Variants in CDH16 observed in about 807,000 individuals in gnomAD.
CDH16 encodes cadherin-16.
CDH16 carries 79 observed loss-of-function variants against 87.6 expected under a neutral mutation model. The observed-to-expected ratio is 0.90, with a 90% CI of 0.75 to 1.09. CDH16 has a LOEUF of 1.09. CDH16 is among the 50% of genes least tolerant of loss of function. The probability of loss-of-function intolerance (pLI) is 0.00; values close to 1 mark genes in which losing one functional copy is unlikely to be tolerated. For synonymous variants in CDH16, 457 were observed against 439.5 expected (o/e 1.04, Z -0.50); for missense variants, 1,124 against 1,071.7 (o/e 1.05, Z -0.68).
chr16:66,912,431 C>A lies in CDH16; in HGVS notation c.1360-1G>T. 1.9e-6 allele frequency: 3 copies of A among 1,613,964 alleles called. No individual in the cohort carries two copies. The South Asian group carries it at 3.3e-5, about 18-fold the overall frequency. ...CCTCAGGGAGGCTTATAGGCCCAAT[C>A]TGGAGGAGGAGGAGGGATGGTGAGC... On this transcript the variant is annotated splice_acceptor_variant, in intron 11 of 17. Coordinates refer to ENST00000299752, the MANE Select transcript of CDH16 (RefSeq NM_004062.4). LOFTEE classifies it high-confidence loss of function.
At chr16:66,908,936 A>G (rs917439104) in intron 17 of CDH16, among the ~76,000 whole-genome samples, 3 of 152,194 alleles carry the variant, frequency 2.0e-5, no homozygotes, top group African/African-American at 7.2e-5. Context: ...CTGACTGTGT[A>G]ACCTTGGACC....
chr16:66,909,991 A>C lies in CDH16; in HGVS notation c.2270T>G (p.Val757Gly). The C allele has an allele frequency of 6.2e-7, 1 of 1,601,574 alleles. No homozygotes were observed. The highest frequency in any genetic ancestry group is 8.5e-7 in the Non-Finnish European group (1 of 1,173,290). The change falls in exon 16 of 18, where the codon GTT (valine) becomes GGT (glycine). Residue 757 changes from valine (V) to glycine (G), a missense_variant. Val to Gly is a moderately radical substitution (Grantham distance 109). Transcript: ENST00000299752. This position sits in a 1 kb window ranked among gnomAD's most constrained non-coding sequence, Gnocchi z 4.1. ...GCACCCAAGCCCAATCTCACCTCGA[A>C]CCAGGAGCTGCCACATCTGGGCATT... ...SHNAQMWQLL[V>G]RVIVCRCNVE... is the part of the protein sequence containing the mutation.
chr16:66,915,315 A>G lies in CDH16; in HGVS notation c.488T>C (p.Leu163Pro), dbSNP rs1962630024. 2.5e-6 allele frequency: 4 copies of G among 1,613,796 alleles called. No homozygotes were observed. In the East Asian group the frequency reaches 8.9e-5, roughly 36 times the overall value. Reference sequence around the variant, plus strand: ...AGCCTGGCTCAGGATGTGGAATCGAAGATCCGAGTTGGCTGTGCCTGGCTC... The same window carrying G: ...AGCCTGGCTCAGGATGTGGAATCGAGGATCCGAGTTGGCTGTGCCTGGCTC... ...RDEPGTANSD[L>P]RFHILSQAPA... The change falls in exon 6 of 18, where the codon CTT (leucine) becomes CCT (proline). Residue 163 changes from leucine (L) to proline (P), a missense_variant. Transcript: ENST00000299752.
At position 66,909,397 on chromosome 16, in the gene CDH16, G is replaced by A. The variant is rs1013239113; in HGVS notation, c.2276-14C>T. 5 of 1,570,202 alleles carry A rather than the reference G, an allele frequency of 3.2e-6. No homozygotes were observed. The South Asian group carries it at 3.3e-5, about 10-fold the overall frequency. ...GACACACGATCACTGAGGGGAGAGG[G>A]GAGGAAGGTAAGGGGAGGGAGGGGA... On this transcript the variant is annotated splice_polypyrimidine_tract_variant and intron_variant, in intron 16 of 17. Coordinates refer to ENST00000299752, the MANE Select transcript of CDH16 (RefSeq NM_004062.4). This position sits in a 1 kb window ranked among gnomAD's most constrained non-coding sequence, Gnocchi z 4.1.
Position 66,910,347 on chromosome 16 carries a change from C to G in CDH16, c.2080G>C (p.Asp694His). 6.2e-7 allele frequency: 1 copy of G among 1,613,818 alleles called. No individual in the cohort carries two copies. Among genetic ancestry groups the G allele is most frequent in the Non-Finnish European group, 8.5e-7 (1 of 1,179,854 alleles). ...TAGGGACCGTGCCCACTGGCCAGAT[C>G]GGGGTCCTTGCTGGGTCCACTCACG... ...LIVSGPSKDP[D>H]LASGHGPYSF... Residue 694 changes from aspartate (D) to histidine (H), a missense_variant, in exon 15 of 18, where the codon GAT becomes CAT. Transcript: ENST00000299752.
chr16:66,916,548 G>A lies in CDH16; in HGVS notation c.130-119C>T. ...TGAGTCTCAGAGACATCTGGCTCCT[G>A]TCAGAGGTCACACAGCCAGTAAGCA... On this transcript the variant is annotated intron_variant, in intron 3 of 17. Transcript: ENST00000299752. This position sits in a 1 kb window ranked among gnomAD's most constrained non-coding sequence, Gnocchi z 4.1. 1 of 1,161,046 alleles carries A rather than the reference G, an allele frequency of 8.6e-7. No homozygotes were observed. Among genetic ancestry groups the A allele is most frequent in the Non-Finnish European group, 1.2e-6 (1 of 848,022 alleles). 71.9% of individuals were successfully genotyped at this position (1,161,046 alleles called of 1,614,324 possible). A position where few individuals can be genotyped will look rare whatever the true frequency, so the allele number is the denominator to read the frequency against.
At chr16:66,915,752 C>T (rs945994213) in intron 5 of CDH16, among the ~76,000 whole-genome samples, 2 of 152,116 alleles carry the variant, frequency 1.3e-5, no homozygotes, top group Non-Finnish European at 2.9e-5. Context: ...AAAAATTAGC[C>T]GGGCATGGTG....
At position 66,910,357 on chromosome 16, in the gene CDH16, G is replaced by C. The variant is rs142042494; in HGVS notation, c.2070C>G (p.Ser690Arg). ...QDHGLIVSGP[S>R]KDPDLASGHG... Reference sequence around the variant, plus strand: ...GCCCACTGGCCAGATCGGGGTCCTTGCTGGGTCCACTCACGATCAAGCCAT... The same window carrying C: ...GCCCACTGGCCAGATCGGGGTCCTTCCTGGGTCCACTCACGATCAAGCCAT... Residue 690 changes from serine (S) to arginine (R), a missense_variant, in exon 15 of 18, where the codon AGC becomes AGG. By Grantham distance (110) the Ser-to-Arg change is moderately radical (BLOSUM62 -1). Transcript: ENST00000299752. 1.5e-3 allele frequency: 2,491 copies of C among 1,613,872 alleles called. 13 individuals carry two copies. Among genetic ancestry groups the C allele is most frequent in the Middle Eastern group, 1.7e-3 (10 of 6,058 alleles).
At chr16:66,917,057 G>C (rs987262300) in intron 3 of CDH16, among the ~76,000 whole-genome samples, 1 of 151,818 alleles carries the variant, frequency 6.6e-6, no homozygotes, top group Non-Finnish European at 1.5e-5. Flanking sequence ...AGCCCAAGAC[G>C]GGCGGCTCAC....
chr16:66,916,745 G>A lies in CDH16; in HGVS notation c.130-316C>T, dbSNP rs1185818299. On this transcript the variant is annotated intron_variant, in intron 3 of 17. Coordinates refer to ENST00000299752, the MANE Select transcript of CDH16 (RefSeq NM_004062.4). This position sits in a 1 kb window ranked among gnomAD's most constrained non-coding sequence, Gnocchi z 4.1. ...GTTAGTCATTCCCACTGCAGGTTGAGCATCTCTAACCCGAAAATCTGAAAT... is the reference window on the plus strand; with the variant it reads ...GTTAGTCATTCCCACTGCAGGTTGAACATCTCTAACCCGAAAATCTGAAAT... 1.3e-5 allele frequency among the ~76,000 whole-genome samples: 2 copies of A among 152,050 alleles called. No homozygotes were observed. The highest frequency in any genetic ancestry group is 2.9e-5 in the Non-Finnish European group (2 of 68,038).
intron 8 of CDH16, 30 bp from the exon 9 acceptor site, chr16:66,913,311 A>G: frequency 1.3e-6 from 2 of 1,546,802 alleles, no homozygotes; most frequent in Middle Eastern, 1.8e-4. Flanking sequence ...GCTTCAGGTC[A>G]GGACCAAGGG....
chr16:66,910,121 G>T (rs1488353105), intron 15 of CDH16, 28 bp from the exon 16 acceptor site: 6 of 1,594,478 alleles, frequency 3.8e-6, no homozygotes. Context: ...AAAGACCAGG[G>T]TCACCAGCCT....
At chr16:66,918,473 G>C (rs1962788734) in intron 1 of CDH16, among the ~76,000 whole-genome samples, 1 of 152,254 alleles carries the variant, frequency 6.6e-6, no homozygotes, top group South Asian at 2.1e-4. Flanking sequence ...CTTGTTGCAG[G>C]CAAGGCCTGA....
rs777546645 is a variant in CDH16, at chr16:66,910,341, C to T, written c.2086G>A (p.Ala696Thr). The T allele has an allele frequency of 1.3e-5, 21 of 1,613,710 alleles. No individual in the cohort carries two copies. The highest frequency in any genetic ancestry group is 1.7e-5 in the Non-Finnish European group (20 of 1,179,870). The change falls in exon 15 of 18, where the codon GCC becomes ACC. Residue 696 changes from alanine to threonine, a missense_variant. By Grantham distance (58) the Ala-to-Thr change is moderately conservative (BLOSUM62 0). Transcript: ENST00000299752. ...AAGCTGTAGGGACCGTGCCCACTGG[C>T]CAGATCGGGGTCCTTGCTGGGTCCA... is the stretch of plus-strand genomic sequence containing the variant. Reference protein sequence around the residue: ...VSGPSKDPDLASGHGPYSFTL... With the variant: ...VSGPSKDPDLTSGHGPYSFTL...
In CDH16 at chr16:66,909,257, C is replaced by A. The variant is rs1321317796; in HGVS notation, c.2392+10G>T. On this transcript the variant is annotated intron_variant, in intron 17 of 17. Coordinates refer to ENST00000299752, the MANE Select transcript of CDH16 (RefSeq NM_004062.4). The surrounding 1 kb of genome is among the most constrained non-coding windows in gnomAD (Gnocchi z 4.1). ...CCTCGCCCACGCAGGTAATGTCCAA[C>A]CTCCATTACCTATTGCTACCAGGGT... 2.6e-6 allele frequency: 4 copies of A among 1,545,826 alleles called. No homozygotes were observed. Among genetic ancestry groups the A allele is most frequent in the Non-Finnish European group, 3.6e-6 (4 of 1,117,586 alleles).
rs779352583 is a variant in CDH16, at chr16:66,911,208, G to A, written c.1898C>T (p.Thr633Met). The stretch of plus-strand genomic sequence containing the variant: ...TGTATCCTGGGCCTCCACAAGCACC[G>A]TGTAGGTGTCCCCAGGCTGGGCGCC... The part of the protein sequence containing the change: ...LQGAQPGDTY[T>M]VLVEAQDTDE... The change falls in exon 14 of 18, where the codon ACG becomes ATG. Residue 633 changes from threonine (T) to methionine (M), a missense_variant. Physicochemically the swap from Thr to Met is moderately conservative, Grantham distance 81. Coordinates refer to ENST00000299752, the MANE Select transcript of CDH16 (RefSeq NM_004062.4). 1.7e-5 allele frequency: 28 copies of A among 1,613,462 alleles called. No individual in the cohort carries two copies. The highest frequency in any genetic ancestry group is 6.7e-5 in the African/African-American group (5 of 74,970).
rs1314089610 is a variant in CDH16 at position 66,911,968 on chromosome 16, G to C, written c.1721C>G (p.Pro574Arg). 6.2e-7 allele frequency: 1 copy of C among 1,614,084 alleles called. No individual in the cohort carries two copies. The highest frequency in any genetic ancestry group is 8.5e-7 in the Non-Finnish European group (1 of 1,179,974). ...GAAAGAGCCGGCTGGGGCACTGATGGGGACACTGGCCTCGTAGCTCTCCTG... is the reference window on the plus strand; with the variant it reads ...GAAAGAGCCGGCTGGGGCACTGATGCGGACACTGGCCTCGTAGCTCTCCTG... The part of the protein sequence containing the change: ...LDQESYEASV[P>R]ISAPAGSFLL... Residue 574 changes from proline (P) to arginine (R), a missense_variant, in exon 13 of 18, where the codon CCC becomes CGC. Physicochemically the swap from Pro to Arg is moderately radical, Grantham distance 103. Transcript: ENST00000299752.
rs976044286 is a variant in CDH16, at chr16:66,909,469, A to ATG, written c.2276-88_2276-87dup. 2 of 867,960 alleles carry ATG rather than the reference A, an allele frequency of 2.3e-6. No individual in the cohort carries two copies. Among genetic ancestry groups the ATG allele is most frequent in the African/African-American group, 3.3e-5 (2 of 60,484 alleles). 53.8% of individuals were successfully genotyped at this position (867,960 alleles called of 1,614,324 possible). A position where few individuals can be genotyped will look rare whatever the true frequency, so the allele number is the denominator to read the frequency against. ...CCCCCAGCCCAGCCACCTGGCTGATATGTGTGTGTTTCTGCACATGTGTGT... is the reference window on the plus strand; with the variant it reads ...CCCCCAGCCCAGCCACCTGGCTGATATGTGTGTGTGTTTCTGCACATGTGTGT... On this transcript the variant is annotated intron_variant, in intron 16 of 17. Coordinates refer to ENST00000299752, the MANE Select transcript of CDH16 (RefSeq NM_004062.4). This position sits in a 1 kb window ranked among gnomAD's most constrained non-coding sequence, Gnocchi z 4.1.
intron 3 of CDH16, 128 bp downstream of exon 3, chr16:66,917,514 A>G: frequency 1.4e-6 from 1 of 726,022 alleles, no homozygotes; most frequent in South Asian, 1.5e-5. Flanking sequence ...AACCTGTGTA[A>G]CGTGTACATA....
Sources: allele counts gnomAD v4.1 joint callset (sites outside exome capture counted in the v4.1 genomes callset), GRCh38; gene constraint gnomAD v4.1.1; non-coding constraint Gnocchi (gnomAD v3.1); transcripts MANE v1.5; gene names NCBI Gene and HGNC (gene_info 2026-07-23, HGNC 2026-07-21).